The following TOM1L1 variants were observed in gnomAD, a reference collection of about 807,000 sequenced individuals.
TOM1L1 encodes the protein target of myb1 like 1 membrane trafficking protein, also known as TOM1-like protein 1.
A neutral mutation model predicts 63.4 loss-of-function variants in TOM1L1; 64 were observed. That is an observed-to-expected ratio of 1.01 (90% CI 0.83 to 1.24). The LOEUF (loss-of-function observed/expected upper bound fraction) is 1.24, where lower values mean the gene tolerates loss of function less well. Among genes scored for constraint, TOM1L1 ranks in the 50% most tolerant of loss-of-function variants. TOM1L1 has a pLI of 0.00. For synonymous variants in TOM1L1, 166 were observed against 194.4 expected, an observed-to-expected ratio of 0.85 and a Z score of 1.22; for missense variants, 536 against 567.0, an observed-to-expected ratio of 0.95 and a Z score of 0.55.
At chr17:54,922,139 A>T (rs1029583681) in intron 7 of TOM1L1, among the ~76,000 whole-genome samples, 1 of 151,718 alleles carries the variant, frequency 6.6e-6, no homozygotes, top group Non-Finnish European at 1.5e-5. Context: ...AAAAAATACA[A>T]AAAATTAGCC....
At chr17:54,921,611 G>T (rs1044853207) in intron 7 of TOM1L1, among the ~76,000 whole-genome samples, 1 of 152,148 alleles carries the variant, frequency 6.6e-6, no homozygotes, top group South Asian at 2.1e-4. Flanking sequence ...GGTGGTGGGC[G>T]CCTATAATCC....
At chr17:54,946,360 A>T (rs540891666) in intron 11 of TOM1L1, among the ~76,000 whole-genome samples, 1 of 152,176 alleles carries the variant, frequency 6.6e-6, no homozygotes, top group Non-Finnish European at 1.5e-5. Context: ...TTCTCCAGTC[A>T]TAAAGCTGGA....
chr17:54,918,586 T>C (rs2048629977), intron 7 of TOM1L1, among the ~76,000 whole-genome samples: 1 of 152,160 alleles, frequency 6.6e-6, no homozygotes, highest in Non-Finnish European at 1.5e-5. Context: ...GTTGAAAGGA[T>C]ATAAGCTGAG....
At chr17:54,944,302 T>C (rs1252103572) in intron 11 of TOM1L1, among the ~76,000 whole-genome samples, 1 of 151,676 alleles carries the variant, frequency 6.6e-6, no homozygotes, top group Non-Finnish European at 1.5e-5. Context: ...TAGAAAAAAT[T>C]AGCCGGGCGT....
chr17:54,905,589 T>C (rs763676306), intron 3 of TOM1L1, 22 bp downstream of exon 3: 6 of 1,401,622 alleles, frequency 4.3e-6, no homozygotes, highest in Non-Finnish European at 6.0e-6. Flanking sequence ...AATTTTATAA[T>C]TAAGACTCGA....
intron 11 of TOM1L1, chr17:54,942,491 G>A (rs2049048429): frequency 6.6e-6 from 1 of 152,010 alleles, no homozygotes; most frequent in Non-Finnish European, 1.5e-5. Flanking sequence ...TAACCTATGA[G>A]GTATGTGCCA....
In TOM1L1 at chr17:54,960,643, T is replaced by C; in HGVS notation, c.*1+16T>C. On this transcript the variant is annotated intron_variant, in intron 15 of 15. Transcript: ENST00000575882. ...GGTGACTGAGGTAAAGACTTCAACT[T>C]ATACAACTTAATTCCATATTCCATA... The C allele has an allele frequency of 6.4e-7, 1 of 1,568,012 alleles. No homozygotes were observed. The highest frequency in any genetic ancestry group is 8.8e-7 in the Non-Finnish European group (1 of 1,139,024).
chr17:54,918,162 G>A (rs2048623202), intron 7 of TOM1L1, among the ~76,000 whole-genome samples: 1 of 152,202 alleles, frequency 6.6e-6, no homozygotes, highest in African/African-American at 2.4e-5. Flanking sequence ...TGAATGTCCT[G>A]AATTGTGCTG....
chr17:54,906,401 G>A (rs1240567078), intron 3 of TOM1L1, among the ~76,000 whole-genome samples: 1 of 151,784 alleles, frequency 6.6e-6, no homozygotes, highest in Non-Finnish European at 1.5e-5. Flanking sequence ...CCTGGGAGGT[G>A]GAGATTGCGG....
intron 11 of TOM1L1, chr17:54,942,450 C>G (rs2049047667): frequency 1.3e-5 from 2 of 152,048 alleles, no homozygotes; most frequent in Non-Finnish European, 2.9e-5. Flanking sequence ...AGGCAACAAG[C>G]TAAGAAGTAT....
At position 54,925,922 on chromosome 17, in the gene TOM1L1, A is replaced by C. The variant is rs9899412; in HGVS notation, c.721-4151A>C. Among the ~76,000 whole-genome samples, 738 of 132,244 alleles carry C rather than the reference A, an allele frequency of 5.6e-3. 2 individuals are homozygous for C. The highest frequency in any genetic ancestry group is 8.1e-3 in the Non-Finnish European group (493 of 61,022). The allele number at this position is 132,244 out of a possible 152,430, so 86.8% of individuals were successfully genotyped here. The stretch of plus-strand genomic sequence containing the variant: ...CCTCTCAAACAAAAAACAACAACAA[A>C]AAAAAAAGCAGCCTGTATACTTGGA... On this transcript the variant is annotated intron_variant, in intron 7 of 15. Transcript: ENST00000575882.
At chr17:54,914,370 TA>T (rs35044232) in intron 5 of TOM1L1, among the ~76,000 whole-genome samples, 43,538 of 144,448 alleles carry the variant, frequency 0.3, 6,854 homozygotes, top group Middle Eastern at 0.45. Context: ...GACCCTTGGT[TA>T]AAAAAAAAAA....
intron 14 of TOM1L1, among the ~76,000 whole-genome samples, chr17:54,956,290 G>A (rs536008138): frequency 6.6e-6 from 1 of 152,002 alleles, no homozygotes; most frequent in Non-Finnish European, 1.5e-5. Flanking sequence ...GACTATTGGG[G>A]TGTGCTACCA....
At chr17:54,939,563 G>A (rs1457491363) in intron 11 of TOM1L1, among the ~76,000 whole-genome samples, 1 of 151,980 alleles carries the variant, frequency 6.6e-6, no homozygotes, top group Non-Finnish European at 1.5e-5. Context: ...AAAGTACTTA[G>A]GTCAGCGATG....
At chr17:54,923,784 G>A (rs1292408054) in intron 7 of TOM1L1, among the ~76,000 whole-genome samples, 1 of 151,844 alleles carries the variant, frequency 6.6e-6, no homozygotes, top group Non-Finnish European at 1.5e-5. Context: ...GACCTCAGGT[G>A]ATCTACCTGC....
intron 13 of TOM1L1, 87 bp downstream of exon 13, chr17:54,949,710 G>A: frequency 9.0e-7 from 1 of 1,116,656 alleles, no homozygotes; most frequent in East Asian, 2.4e-5. Context: ...ACTGAAAATA[G>A]GAGAAATTAG....
chr17:54,904,842 A>G (rs999778644), intron 2 of TOM1L1, among the ~76,000 whole-genome samples: 1 of 152,226 alleles, frequency 6.6e-6, no homozygotes, highest in African/African-American at 2.4e-5. Flanking sequence ...ATCAAACTTA[A>G]TTATTGATTA....
intron 14 of TOM1L1, 52 bp downstream of exon 14, chr17:54,950,178 T>C (rs770398089): frequency 2.9e-6 from 4 of 1,403,308 alleles, no homozygotes; most frequent in East Asian, 2.3e-5. Flanking sequence ...TTCCCTTTGA[T>C]AGCAGAGCTA....
At chr17:54,933,119 T>A (rs575130941) in intron 8 of TOM1L1, among the ~76,000 whole-genome samples, 2 of 152,284 alleles carry the variant, frequency 1.3e-5, no homozygotes, top group East Asian at 3.9e-4. Context: ...ACTTAGTGGC[T>A]TATCCTCTGT....
Sources: allele counts gnomAD v4.1 joint callset (sites outside exome capture counted in the v4.1 genomes callset), GRCh38; gene constraint gnomAD v4.1.1; transcripts MANE v1.5; gene names NCBI Gene and HGNC (gene_info 2026-07-23, HGNC 2026-07-21).